Variants in CNTNAP2 observed in about 807,000 individuals in gnomAD.
The protein encoded by CNTNAP2 is contactin-associated protein-like 2.
CNTNAP2 carries 98 observed loss-of-function variants against 155.2 expected under a neutral mutation model. That is an observed-to-expected ratio of 0.63 (90% CI 0.54 to 0.75). The LOEUF (loss-of-function observed/expected upper bound fraction) is 0.75, where lower values mean the gene tolerates loss of function less well. CNTNAP2 is among the 30% of genes least tolerant of loss of function. The pLI is 0.00. For missense variants in CNTNAP2, 1,727 were observed against 1,688.1 expected (o/e 1.02, Z -0.40); for synonymous variants, 651 against 631.2 (o/e 1.03, Z -0.47).
At chr7:148,299,897 C>G (rs1375488690) in intron 21 of CNTNAP2, among the ~76,000 whole-genome samples, 1 of 152,154 alleles carries the variant, frequency 6.6e-6, no homozygotes, top group African/African-American at 2.4e-5. Context: ...CTTTGGAGAG[C>G]TAACACTAAA....
At chr7:147,654,106 A>G (rs1158234852) in intron 13 of CNTNAP2, among the ~76,000 whole-genome samples, 1 of 152,208 alleles carries the variant, frequency 6.6e-6, no homozygotes, top group Non-Finnish European at 1.5e-5. Context: ...TCTTAATGAA[A>G]TGGTATCAAC....
chr7:146,925,310 T>C (rs1348807896), intron 3 of CNTNAP2, among the ~76,000 whole-genome samples: 5 of 152,092 alleles, frequency 3.3e-5, no homozygotes, highest in Non-Finnish European at 5.9e-5. Flanking sequence ...AAATACATAT[T>C]ATCAAAGTTA....
At chr7:147,416,909 T>TG (rs113491352) in intron 10 of CNTNAP2, among the ~76,000 whole-genome samples, 28,105 of 151,914 alleles carry the variant, frequency 0.19, 3,124 homozygotes, top group Non-Finnish European at 0.25. Flanking sequence ...GCCAACATGG[T>TG]GAAACCCCAT....
At chr7:147,764,786 AT>A (rs147374288) in intron 13 of CNTNAP2, among the ~76,000 whole-genome samples, 3,955 of 152,250 alleles carry the variant, frequency 0.026, 106 homozygotes, top group South Asian at 0.13. Context: ...GACTAAGTTA[AT>A]TTTTTTAAAA....
At chr7:146,339,821 A>G (rs1386921680) in intron 1 of CNTNAP2, among the ~76,000 whole-genome samples, 1 of 152,242 alleles carries the variant, frequency 6.6e-6, no homozygotes, top group East Asian at 1.9e-4. Context: ...TGTCAGTCTA[A>G]TTAAAAAAAA....
At chr7:146,940,472 C>T (rs202079104) in intron 3 of CNTNAP2, among the ~76,000 whole-genome samples, 35 of 152,152 alleles carry the variant, frequency 2.3e-4, no homozygotes, top group East Asian at 2.1e-3. Context: ...GGATTACAGG[C>T]GTGAGCCACC....
chr7:146,528,313 G>A (rs1797720573), intron 1 of CNTNAP2, among the ~76,000 whole-genome samples: 1 of 152,176 alleles, frequency 6.6e-6, no homozygotes, highest in Non-Finnish European at 1.5e-5. Flanking sequence ...TTCAATTCCT[G>A]TTCTGTGCAC....
chr7:147,101,662 G>A (rs1405966838), intron 4 of CNTNAP2, among the ~76,000 whole-genome samples: 1 of 152,120 alleles, frequency 6.6e-6, no homozygotes, highest in East Asian at 1.9e-4. Context: ...GAGCTGGAAA[G>A]GAGATGGAGT....
At chr7:146,348,486 T>G (rs1402881627) in intron 1 of CNTNAP2, among the ~76,000 whole-genome samples, 4 of 152,072 alleles carry the variant, frequency 2.6e-5, no homozygotes, top group Non-Finnish European at 5.9e-5. Context: ...ACACATAACC[T>G]TAGTGAAAGT....
intron 1 of CNTNAP2, among the ~76,000 whole-genome samples, chr7:146,681,112 G>A (rs777857007): frequency 6.6e-6 from 1 of 151,808 alleles, no homozygotes; most frequent in Non-Finnish European, 1.5e-5. Context: ...AAGAAAGTGC[G>A]GAGGATCAGT....
chr7:146,733,208 C>G lies in CNTNAP2; in HGVS notation c.98-41063C>G, dbSNP rs1193374623. ...GAAATAGGTACTTATTCAGTTTAGT[C>G]AAACATTCAGGAATCCAGACCCTTA... is the stretch of plus-strand genomic sequence containing the variant. On this transcript the variant is annotated intron_variant, in intron 1 of 23. Coordinates refer to ENST00000361727, the MANE Select transcript of CNTNAP2 (RefSeq NM_014141.6). Among the ~76,000 whole-genome samples, 8 of 152,156 alleles carry G rather than the reference C, an allele frequency of 5.3e-5. No individual in the cohort carries two copies. In the East Asian group the frequency reaches 1.6e-3, roughly 30 times the overall value.
chr7:146,938,674 C>T (rs921768997), intron 3 of CNTNAP2, among the ~76,000 whole-genome samples: 7 of 151,846 alleles, frequency 4.6e-5, no homozygotes, highest in Middle Eastern at 3.4e-3. Flanking sequence ...AAAAATATTT[C>T]GTTAAAATAT....
chr7:146,697,264 G>T (rs1210669415), intron 1 of CNTNAP2, among the ~76,000 whole-genome samples: 2 of 151,488 alleles, frequency 1.3e-5, no homozygotes, highest in Non-Finnish European at 2.9e-5. Context: ...TTGAGACAGG[G>T]TCTTGCTCTG....
At chr7:146,974,445 A>AT (rs919680407) in intron 3 of CNTNAP2, among the ~76,000 whole-genome samples, 3 of 151,354 alleles carry the variant, frequency 2.0e-5, no homozygotes. Flanking sequence ...TCTTAAAAAA[A>AT]AATAAAAAAT....
At chr7:146,373,090 C>G (rs1021613345) in intron 1 of CNTNAP2, among the ~76,000 whole-genome samples, 1 of 152,166 alleles carries the variant, frequency 6.6e-6, no homozygotes, top group Non-Finnish European at 1.5e-5. Flanking sequence ...ATCCACTTCG[C>G]TGTACTTCAG....
intron 13 of CNTNAP2, among the ~76,000 whole-genome samples, chr7:147,715,313 A>G (rs1796466270): frequency 6.6e-6 from 1 of 152,102 alleles, no homozygotes; most frequent in Non-Finnish European, 1.5e-5. Context: ...TGTATGAGTG[A>G]TTCCGCTTAT....
chr7:146,957,548 T>C (rs1162452681), intron 3 of CNTNAP2, among the ~76,000 whole-genome samples: 3 of 152,180 alleles, frequency 2.0e-5, no homozygotes, highest in Non-Finnish European at 4.4e-5. Flanking sequence ...GTGCAAATTA[T>C]TTTAAAGTTT....
intron 1 of CNTNAP2, among the ~76,000 whole-genome samples, chr7:146,716,972 A>G (rs148282685): frequency 3.9e-5 from 6 of 152,264 alleles, no homozygotes; most frequent in African/African-American, 1.4e-4. Context: ...ATTCAAGAAG[A>G]CAGACTCTCA....
intron 4 of CNTNAP2, among the ~76,000 whole-genome samples, chr7:147,066,659 T>C (rs137929894): frequency 2.6e-5 from 4 of 152,124 alleles, no homozygotes; most frequent in African/African-American, 9.7e-5. Flanking sequence ...AAACTCATAA[T>C]GGGGGAGAAT....
Sources: allele counts gnomAD v4.1 joint callset (sites outside exome capture counted in the v4.1 genomes callset), GRCh38; gene constraint gnomAD v4.1.1; transcripts MANE v1.5; gene names NCBI Gene and HGNC (gene_info 2026-07-23, HGNC 2026-07-21).